The following HDX variants were observed in gnomAD, a reference collection of about 807,000 sequenced individuals.
The protein encoded by HDX is chromosome X open reading frame 43.
A neutral mutation model predicts 45.2 loss-of-function variants in HDX; 19 were observed. That is an observed-to-expected ratio of 0.42 (90% confidence interval 0.29 to 0.62). HDX has a LOEUF of 0.62. HDX is among the 20% of genes least tolerant of loss of function. The probability of loss-of-function intolerance (pLI) is 0.20; values close to 1 mark genes in which losing one functional copy is unlikely to be tolerated. For synonymous variants in HDX, 188 were observed against 172.8 expected, an observed-to-expected ratio of 1.09 and a Z score of -0.69; for missense variants, 532 against 493.9, an observed-to-expected ratio of 1.08 and a Z score of -0.73.
intron 2 of HDX, among the ~76,000 whole-genome samples, chrX:84,483,718 A>G (rs139314795): frequency 2.2e-3 from 251 of 112,426 alleles, no homozygotes; most frequent in Non-Finnish European, 2.5e-3. Flanking sequence ...GCTGGCTTGA[A>G]TTTCTCACCA....
chrX:84,457,021 T>G (rs185056097), intron 4 of HDX, among the ~76,000 whole-genome samples: 1 of 111,504 alleles, frequency 9.0e-6, no homozygotes, highest in Non-Finnish European at 1.9e-5. Context: ...ATAGACCAAA[T>G]AAATCTAATA....
rs1222236381 is a variant in HDX, at chrX:84,441,161, T to C, written c.1252-576A>G. On this transcript the variant is annotated intron_variant, in intron 4 of 10. Transcript: ENST00000373177. ...AAAAGTTATGTGAATGTGGCCTTTC[T>C]CGAAATATCTTATTGTACTGCACTG... is the stretch of plus-strand genomic sequence containing the variant. 2.1e-4 allele frequency among the ~76,000 whole-genome samples: 23 copies of C among 111,670 alleles called. No homozygotes were observed. The Admixed American group carries it at 2.2e-3, about 11-fold the overall frequency.
rs758462765 is a variant in HDX at position 84,483,915 on chromosome X, A to G, written c.-1+4109T>C. Among the ~76,000 whole-genome samples, 4 of 111,498 alleles carry G rather than the reference A, an allele frequency of 3.6e-5. No individual in the cohort carries two copies. The South Asian group carries it at 1.5e-3, about 42-fold the overall frequency. On this transcript the variant is annotated intron_variant, in intron 2 of 10. Transcript: ENST00000373177. Reference sequence around the variant, plus strand: ...GGCAAAATACCACCAGTCTCTGTAGAGCAAGAGTGACCTATACTCCAGTTT... The same window carrying G: ...GGCAAAATACCACCAGTCTCTGTAGGGCAAGAGTGACCTATACTCCAGTTT...
chrX:84,439,500 T>C (rs1397656932), intron 5 of HDX, among the ~76,000 whole-genome samples: 2 of 111,388 alleles, frequency 1.8e-5, no homozygotes, highest in Non-Finnish European at 3.8e-5. Flanking sequence ...GAGCAGGGTA[T>C]TCCCTAGGTT....
rs139247509 is a variant in HDX at position 84,480,295 on chromosome X, C to T, written c.1-4898G>A. Among the ~76,000 whole-genome samples the T allele has an allele frequency of 5.6e-3, 627 of 111,545 alleles. 4 individuals carry two copies. Among genetic ancestry groups the T allele is most frequent in the Admixed American group, 0.011 (117 of 10,475 alleles). On this transcript the variant is annotated intron_variant, in intron 2 of 10. Transcript: ENST00000373177. ...CAATCATGTTGTCCACAAACAGGGA[C>T]AAGCTTATTTCTTGTTTTCTGATAT...
At chrX:84,352,047 T>A (rs2147821325) in intron 6 of HDX, among the ~76,000 whole-genome samples, 1 of 112,286 alleles carries the variant, frequency 8.9e-6, no homozygotes, top group South Asian at 3.6e-4. Context: ...AATTTGATTA[T>A]GATGCCTTTT....
At chrX:84,362,260 A>T (rs1360557556) in intron 5 of HDX, among the ~76,000 whole-genome samples, 2 of 111,287 alleles carry the variant, frequency 1.8e-5, no homozygotes, top group African/African-American at 3.3e-5. Context: ...TATCGGATTT[A>T]CATGTTGTTT....
At chrX:84,390,845 A>G (rs2038423521) in intron 5 of HDX, among the ~76,000 whole-genome samples, 3 of 111,897 alleles carry the variant, frequency 2.7e-5, no homozygotes, top group Admixed American at 9.5e-5. Flanking sequence ...TTGGGACATA[A>G]TATTTTGCAT....
intron 4 of HDX, among the ~76,000 whole-genome samples, chrX:84,454,543 C>T (rs940977112): frequency 2.7e-5 from 3 of 110,483 alleles, no homozygotes; most frequent in Non-Finnish European, 5.7e-5. Flanking sequence ...GGCTTGGGGG[C>T]CAGTTCGGCC....
At chrX:84,442,821 T>C (rs2039790927) in intron 4 of HDX, among the ~76,000 whole-genome samples, 1 of 111,339 alleles carries the variant, frequency 9.0e-6, no homozygotes, top group Non-Finnish European at 1.9e-5. Context: ...AGAAAATATA[T>C]GATAAACCAA....
intron 4 of HDX, among the ~76,000 whole-genome samples, chrX:84,442,081 A>T (rs367992672): frequency 9.0e-6 from 1 of 111,116 alleles, no homozygotes; most frequent in East Asian, 2.8e-4. Flanking sequence ...GTCTGGACTT[A>T]ACTATGCTTT....
At chrX:84,446,424 A>T (rs1865108600) in intron 4 of HDX, among the ~76,000 whole-genome samples, 1 of 112,061 alleles carries the variant, frequency 8.9e-6, no homozygotes, top group Non-Finnish European at 1.9e-5. Context: ...TGCTTTTGTC[A>T]GGCTACCCAT....
At chrX:84,493,192 A>G (rs1041781126) in intron 1 of HDX, among the ~76,000 whole-genome samples, 1 of 112,121 alleles carries the variant, frequency 8.9e-6, no homozygotes, top group Non-Finnish European at 1.9e-5. Context: ...TCAAAGCATA[A>G]AGTCTAGTGA....
chrX:84,318,663 AT>A lies in HDX; in HGVS notation c.*3225del, dbSNP rs1177260317. 1 of 111,469 alleles carries A rather than the reference AT, an allele frequency of 9.0e-6. No homozygotes were observed. The highest frequency in any genetic ancestry group is 3.2e-5 in the African/African-American group (1 of 30,829). 9.2% of individuals were successfully genotyped at this position (111,469 alleles called of 1,213,427 possible). A position where few individuals can be genotyped will look rare whatever the true frequency, so the allele number is the denominator to read the frequency against. ...CTCCTACAAACTTACAGACTGCTGA[AT>A]ATGAAAGTGCCTCACAATAGATGTT... On this transcript the variant is annotated 3_prime_UTR_variant, in exon 11 of 11. Transcript: ENST00000373177.
intron 5 of HDX, among the ~76,000 whole-genome samples, chrX:84,411,533 A>AGAG (rs969000354): frequency 9.0e-6 from 1 of 111,515 alleles, no homozygotes; most frequent in African/African-American, 3.3e-5. Flanking sequence ...GTGTGATCCT[A>AGAG]GAGTGTGATT....
At chrX:84,415,527 A>C (rs892855877) in intron 5 of HDX, among the ~76,000 whole-genome samples, 1 of 111,958 alleles carries the variant, frequency 8.9e-6, no homozygotes, top group Non-Finnish European at 1.9e-5. Flanking sequence ...CCAGCTCAGC[A>C]GATTCCCTTC....
chrX:84,387,051 A>T (rs986957365), intron 5 of HDX, among the ~76,000 whole-genome samples: 1 of 111,358 alleles, frequency 9.0e-6, no homozygotes, highest in African/African-American at 3.3e-5. Context: ...TATTTTCATT[A>T]ATTTCAAGGA....
intron 5 of HDX, among the ~76,000 whole-genome samples, chrX:84,373,305 T>C (rs1489754384): frequency 1.8e-5 from 2 of 110,870 alleles, no homozygotes; most frequent in Non-Finnish European, 3.8e-5. Flanking sequence ...TGTTAGGGAA[T>C]GTGGGTAGGC....
At position 84,360,404 on chromosome X, in the gene HDX, A is replaced by G. The variant is rs923252229; in HGVS notation, c.1452+1062T>C. ...TCAATTCACCTCATGTAATTTTTAA[A>G]CAATGTTATTGAGATATATTTAAAA... On this transcript the variant is annotated intron_variant, in intron 6 of 10. Transcript: ENST00000373177. 2.7e-5 allele frequency among the ~76,000 whole-genome samples: 3 copies of G among 112,217 alleles called. No individual in the cohort carries two copies. The East Asian group carries it at 8.4e-4, about 31-fold the overall frequency.
Sources: gnomAD v4.1 joint callset for allele counts (sites outside exome capture counted in the v4.1 genomes callset) on GRCh38, gnomAD v4.1.1 for gene constraint, MANE v1.5 for transcripts, NCBI Gene and HGNC (gene_info 2026-07-23, HGNC 2026-07-21) for gene names.